DCDC1: variants seen among roughly 807,000 people sequenced by gnomAD.
DCDC1 encodes doublecortin domain containing 1.
In DCDC1, 200 loss-of-function variants were observed where a neutral mutation model predicts 178.3. The ratio of observed to expected loss-of-function variants is 1.12; its 90% confidence interval spans 1.00 to 1.26. DCDC1 has a LOEUF of 1.26. Among genes scored for constraint, DCDC1 ranks in the 50% most tolerant of loss-of-function variants. DCDC1 has a pLI of 0.00. For missense variants in DCDC1, 1,983 were observed against 1,749.2 expected, an observed-to-expected ratio of 1.13 and a Z score of -2.38; for synonymous variants, 690 against 604.8, an observed-to-expected ratio of 1.14 and a Z score of -2.07.
At chr11:31,021,698 G>A (rs768542875) in intron 20 of DCDC1, among the ~76,000 whole-genome samples, 1 of 152,100 alleles carries the variant, frequency 6.6e-6, no homozygotes, top group Non-Finnish European at 1.5e-5. Flanking sequence ...TTTGAACCAT[G>A]TAAATAAACT....
intron 9 of DCDC1, among the ~76,000 whole-genome samples, chr11:31,202,695 T>C (rs1029836875): frequency 3.3e-5 from 5 of 152,102 alleles, no homozygotes; most frequent in Non-Finnish European, 5.9e-5. Flanking sequence ...AAAACCAAGA[T>C]AACCAACATA....
chr11:31,175,059 A>G (rs1411283959), intron 9 of DCDC1, among the ~76,000 whole-genome samples: 1 of 152,198 alleles, frequency 6.6e-6, no homozygotes, highest in Non-Finnish European at 1.5e-5. Flanking sequence ...AGGAGAGAAG[A>G]GCTGAGGCCC....
chr11:31,299,927 G>A (rs1003299081), intron 6 of DCDC1, among the ~76,000 whole-genome samples: 4 of 151,882 alleles, frequency 2.6e-5, no homozygotes, highest in Non-Finnish European at 4.4e-5. Context: ...GCATGATCTC[G>A]GCTCACTGCA....
At chr11:31,063,539 T>C (rs1186791425) in intron 20 of DCDC1, among the ~76,000 whole-genome samples, 1 of 152,142 alleles carries the variant, frequency 6.6e-6, no homozygotes, top group Non-Finnish European at 1.5e-5. Flanking sequence ...ATAAGTTTTT[T>C]GTCTCTTTTC....
intron 20 of DCDC1, among the ~76,000 whole-genome samples, chr11:30,996,889 T>C (rs866413976): frequency 3.3e-5 from 5 of 152,208 alleles, no homozygotes; most frequent in Admixed American, 1.3e-4. Context: ...AAAACGTACA[T>C]GAACATGTAT....
intron 9 of DCDC1, among the ~76,000 whole-genome samples, chr11:31,209,667 A>G (rs1336568099): frequency 3.3e-5 from 5 of 152,204 alleles, no homozygotes; most frequent in African/African-American, 2.4e-5. Flanking sequence ...AGTCTGATTG[A>G]GGCAAAAGTC....
intron 1 of DCDC1, among the ~76,000 whole-genome samples, chr11:31,369,108 C>T (rs891378214): frequency 6.6e-6 from 1 of 152,066 alleles, no homozygotes; most frequent in Non-Finnish European, 1.5e-5. Context: ...TTGCTGAGTC[C>T]TTGTTCTGCC....
In DCDC1 at chr11:30,914,405, C is replaced by T. The variant is rs556999134; in HGVS notation, c.3653+1106G>A. Among the ~76,000 whole-genome samples the T allele has an allele frequency of 3.3e-5, 5 of 152,322 alleles. No homozygotes were observed. In the South Asian group the frequency reaches 1.0e-3, roughly 32 times the overall value. ...TCCCTCAAAGTACTGATTCATAAGC[C>T]TTTTCATCGCAGACCTTTTGAGAAG... On this transcript the variant is annotated intron_variant, in intron 27 of 38. Transcript: ENST00000684477.
chr11:30,972,306 A>T (rs1288288224), intron 20 of DCDC1, among the ~76,000 whole-genome samples: 1 of 152,230 alleles, frequency 6.6e-6, no homozygotes, highest in African/African-American at 2.4e-5. Flanking sequence ...ATTATAGGAG[A>T]GAATGAGATA....
At chr11:31,016,256 A>C (rs1952480170) in intron 20 of DCDC1, among the ~76,000 whole-genome samples, 1 of 152,216 alleles carries the variant, frequency 6.6e-6, no homozygotes, top group Non-Finnish European at 1.5e-5. Context: ...TAAATTGCTT[A>C]AATTAGTAGT....
intron 9 of DCDC1, among the ~76,000 whole-genome samples, chr11:31,182,902 G>A (rs971263047): frequency 1.3e-5 from 2 of 150,592 alleles, no homozygotes; most frequent in African/African-American, 4.9e-5. Flanking sequence ...AGGGATGGAG[G>A]AATACTTACC....
chr11:31,096,093 A>G (rs1399835231), intron 15 of DCDC1, among the ~76,000 whole-genome samples: 2 of 152,222 alleles, frequency 1.3e-5, no homozygotes, highest in Non-Finnish European at 2.9e-5. Context: ...GTACTATCAT[A>G]AGGATAAAAC....
chr11:31,286,139 G>T (rs555686594), intron 7 of DCDC1, among the ~76,000 whole-genome samples: 1 of 152,186 alleles, frequency 6.6e-6, no homozygotes, highest in East Asian at 1.9e-4. Context: ...GGAGACATTT[G>T]TTGAAATTCA....
chr11:31,150,016 A>G (rs914893746), intron 9 of DCDC1, among the ~76,000 whole-genome samples: 1 of 152,222 alleles, frequency 6.6e-6, no homozygotes, highest in African/African-American at 2.4e-5. Flanking sequence ...ACTGTTTTCC[A>G]CGGTGGGTGT....
chr11:30,884,257 C>G (rs561827402), intron 36 of DCDC1, among the ~76,000 whole-genome samples: 8 of 152,136 alleles, frequency 5.3e-5, no homozygotes, highest in African/African-American at 1.9e-4. Flanking sequence ...TCTCAAACTC[C>G]TGGGTTCAAT....
chr11:31,034,589 C>T (rs1446368965), intron 20 of DCDC1, among the ~76,000 whole-genome samples: 1 of 152,098 alleles, frequency 6.6e-6, no homozygotes, highest in Non-Finnish European at 1.5e-5. Context: ...CAATTGCCTA[C>T]AGGATTCAGT....
At chr11:31,260,856 C>T (rs988243423) in intron 8 of DCDC1, among the ~76,000 whole-genome samples, 9 of 152,122 alleles carry the variant, frequency 5.9e-5, no homozygotes, top group African/African-American at 2.2e-4. Context: ...ATCTGTCTTC[C>T]ATCTGAAATG....
At chr11:31,167,870 C>T (rs1246548608) in intron 9 of DCDC1, among the ~76,000 whole-genome samples, 7 of 152,094 alleles carry the variant, frequency 4.6e-5, no homozygotes, top group Non-Finnish European at 7.4e-5. Context: ...GCATAGGCAT[C>T]CATATCTTTT....
At chr11:30,909,434 A>C (rs544352319) in intron 28 of DCDC1, among the ~76,000 whole-genome samples, 1 of 152,232 alleles carries the variant, frequency 6.6e-6, no homozygotes, top group East Asian at 1.9e-4. Flanking sequence ...GGGATATTTT[A>C]CTAATCTCCA....
Sources: allele counts gnomAD v4.1 joint callset (sites outside exome capture counted in the v4.1 genomes callset), GRCh38; gene constraint gnomAD v4.1.1; transcripts MANE v1.5; gene names NCBI Gene and HGNC (gene_info 2026-07-23, HGNC 2026-07-21).